The following SLC30A8 variants were observed in gnomAD, a reference collection of about 807,000 sequenced individuals.
SLC30A8 encodes the protein proton-coupled zinc antiporter SLC30A8.
SLC30A8 carries 27 observed loss-of-function variants against 36.9 expected under a neutral mutation model. The observed-to-expected ratio is 0.73, with a 90% CI of 0.54 to 1.01. SLC30A8 has a LOEUF of 1.01. Ranked by LOEUF, SLC30A8 falls within the 50% of genes least tolerant of loss-of-function variation. The probability of loss-of-function intolerance (pLI) is 0.00; values close to 1 mark genes in which losing one functional copy is unlikely to be tolerated. For missense variants in SLC30A8, 439 were observed against 452.0 expected (o/e 0.97, Z 0.26); for synonymous variants, 164 against 172.4 (o/e 0.95, Z 0.38).
intron 2 of SLC30A8, among the ~76,000 whole-genome samples, chr8:117,080,158 T>G (rs1156527720): frequency 1.3e-5 from 2 of 152,128 alleles, no homozygotes; most frequent in Non-Finnish European, 2.9e-5. Flanking sequence ...TTAAAAATCT[T>G]TTTTTTAAGA....
At chr8:117,066,347 T>C (rs570555634) in intron 2 of SLC30A8, among the ~76,000 whole-genome samples, 2 of 152,296 alleles carry the variant, frequency 1.3e-5, no homozygotes, top group East Asian at 3.9e-4. Flanking sequence ...CCTAGTAACT[T>C]GTTCAGAGAT....
intron 1 of SLC30A8, among the ~76,000 whole-genome samples, chr8:116,986,866 A>T (rs1423226586): frequency 6.6e-6 from 1 of 152,144 alleles, no homozygotes; most frequent in African/African-American, 2.4e-5. Context: ...GACCCAAGAA[A>T]AATCAAACGT....
chr8:117,074,628 A>C (rs1818434401), intron 2 of SLC30A8, among the ~76,000 whole-genome samples: 1 of 152,154 alleles, frequency 6.6e-6, no homozygotes, highest in African/African-American at 2.4e-5. Context: ...ATTTTCAGTG[A>C]TCTGCTCGAT....
intron 2 of SLC30A8, among the ~76,000 whole-genome samples, chr8:117,110,445 T>C (rs1328294078): frequency 6.6e-6 from 1 of 152,080 alleles, no homozygotes; most frequent in Non-Finnish European, 1.5e-5. Flanking sequence ...GAGTAGGGAA[T>C]GGTGGCCCAG....
chr8:116,952,770 T>C (rs1260290043), intron 1 of SLC30A8, among the ~76,000 whole-genome samples: 1 of 152,230 alleles, frequency 6.6e-6, no homozygotes, highest in Admixed American at 6.5e-5. Flanking sequence ...TCCAATTCTT[T>C]TACCTTCTAG....
intron 2 of SLC30A8, among the ~76,000 whole-genome samples, chr8:117,063,612 GT>G (rs1818083614): frequency 6.6e-6 from 1 of 152,124 alleles, no homozygotes. Flanking sequence ...TTCCTCCTAT[GT>G]CCTGTTCCCT....
intron 1 of SLC30A8, among the ~76,000 whole-genome samples, chr8:116,955,597 G>T (rs924939901): frequency 6.6e-6 from 1 of 151,984 alleles, no homozygotes; most frequent in South Asian, 2.1e-4. Context: ...AGACGTGATG[G>T]TGCATGCCTA....
chr8:116,978,474 G>A (rs1265821181), intron 1 of SLC30A8, among the ~76,000 whole-genome samples: 1 of 81,788 alleles, frequency 1.2e-5, no homozygotes, highest in Non-Finnish European at 2.6e-5. Flanking sequence ...GTCTTTTCTT[G>A]GCACGCTTCT....
chr8:117,144,601 GAT>G (rs1217237861), intron 1 of SLC30A8, among the ~76,000 whole-genome samples: 1 of 152,114 alleles, frequency 6.6e-6, no homozygotes, highest in African/African-American at 2.4e-5. Flanking sequence ...ATTATGCTAT[GAT>G]ATAGCTATAT....
At chr8:117,077,189 T>G (rs1012518585) in intron 2 of SLC30A8, among the ~76,000 whole-genome samples, 2 of 152,176 alleles carry the variant, frequency 1.3e-5, no homozygotes, top group Non-Finnish European at 1.5e-5. Flanking sequence ...TGGCAGTCTA[T>G]TCACCCAATA....
chr8:116,963,171 CT>C lies in SLC30A8; in HGVS notation c.-266+12053del, dbSNP rs554980240. 8.2e-4 allele frequency among the ~76,000 whole-genome samples: 125 copies of C among 152,258 alleles called. 1 individual carries two copies. The highest frequency in any genetic ancestry group is 1.4e-3 in the Admixed American group (21 of 15,292). On this transcript the variant is annotated intron_variant, in intron 1 of 10. Coordinates refer to the SLC30A8 transcript ENST00000427715. ...CTTAAATTGGGCTTTATTTATTTCT[CT>C]AGAACCCAAGGCCCGTGAGAACCCT... is the stretch of plus-strand genomic sequence containing the variant.
chr8:117,068,270 G>C (rs11996502), intron 2 of SLC30A8, among the ~76,000 whole-genome samples: 15,068 of 152,200 alleles, frequency 0.099, 1,271 homozygotes, highest in African/African-American at 0.23. Flanking sequence ...ACTCCTCTGA[G>C]CCTGCCTGCT....
chr8:117,053,916 CAG>C (rs879923263), intron 2 of SLC30A8, among the ~76,000 whole-genome samples: 14 of 152,110 alleles, frequency 9.2e-5, no homozygotes, highest in Admixed American at 5.9e-4. Flanking sequence ...GGAGGTATTT[CAG>C]AGTTATGGAA....
chr8:117,083,544 T>C (rs966339848), intron 2 of SLC30A8, among the ~76,000 whole-genome samples: 2 of 152,222 alleles, frequency 1.3e-5, no homozygotes, highest in African/African-American at 2.4e-5. Flanking sequence ...GTTCAACAAT[T>C]GTCTGCTCAA....
chr8:116,977,211 C>T (rs1192594455), intron 1 of SLC30A8, among the ~76,000 whole-genome samples: 4 of 126,080 alleles, frequency 3.2e-5, no homozygotes, highest in East Asian at 2.5e-4. Context: ...TGCAGTGGCA[C>T]GATTTCCGTT....
intron 1 of SLC30A8, among the ~76,000 whole-genome samples, chr8:116,991,394 C>T (rs1287054949): frequency 6.6e-6 from 1 of 151,906 alleles, no homozygotes; most frequent in Admixed American, 6.6e-5. Context: ...CAACCTATGC[C>T]TCCCGGTTCA....
chr8:117,011,373 A>AT (rs1816340099), intron 1 of SLC30A8, among the ~76,000 whole-genome samples: 1 of 152,196 alleles, frequency 6.6e-6, no homozygotes, highest in Admixed American at 6.5e-5. Context: ...GAAACTTATC[A>AT]TTTTAGTCTG....
chr8:117,044,177 G>A (rs1817475636), intron 2 of SLC30A8, among the ~76,000 whole-genome samples: 1 of 152,174 alleles, frequency 6.6e-6, no homozygotes, highest in African/African-American at 2.4e-5. Flanking sequence ...AGAGCCTGGG[G>A]TAAAGTGTTC....
rs1305371427 is a variant in SLC30A8, at chr8:117,161,867, T to A, written c.702T>A (p.Ser234Arg). The A allele has an allele frequency of 1.2e-6, 2 of 1,613,458 alleles. No homozygotes were observed. Among genetic ancestry groups the A allele is most frequent in the Admixed American group, 1.7e-5 (1 of 59,956 alleles). ...DLFQSISVLI[S>R]ALIIYFKPEY... ...TTCAGAGTATCAGTGTGCTAATTAG[T>A]GCACTTATTATCTACTTTAAGGTGA... Residue 234 changes from serine (S) to arginine (R), a missense_variant, in exon 5 of 8, where the codon AGT (serine) becomes AGA (arginine). Coordinates refer to ENST00000456015, the MANE Select transcript of SLC30A8 (RefSeq NM_173851.3).
Sources: gnomAD v4.1 joint callset for allele counts (sites outside exome capture counted in the v4.1 genomes callset) on GRCh38, gnomAD v4.1.1 for gene constraint, MANE v1.5 for transcripts, NCBI Gene and HGNC (gene_info 2026-07-23, HGNC 2026-07-21) for gene names.